Variants in SLC39A11 observed in about 807,000 individuals in gnomAD.
SLC39A11 encodes solute carrier family 39 member 11.
A neutral mutation model predicts 36.1 loss-of-function variants in SLC39A11; 33 were observed. That is an observed-to-expected ratio of 0.91 (90% CI 0.69 to 1.22). SLC39A11 has a LOEUF of 1.22. Among genes scored for constraint, SLC39A11 ranks in the 50% most tolerant of loss-of-function variants. SLC39A11 has a pLI of 0.00. For missense variants in SLC39A11, 432 were observed against 430.3 expected, an observed-to-expected ratio of 1.00 and a Z score of -0.03; for synonymous variants, 166 against 170.3, an observed-to-expected ratio of 0.97 and a Z score of 0.20.
At chr17:72,938,898 T>C (rs2084926313) in intron 5 of SLC39A11, among the ~76,000 whole-genome samples, 2 of 152,232 alleles carry the variant, frequency 1.3e-5, no homozygotes, top group Admixed American at 1.3e-4. Flanking sequence ...CCTCAGTAGA[T>C]ACTTAATGAA....
chr17:72,893,459 G>A (rs2081865439), intron 5 of SLC39A11, among the ~76,000 whole-genome samples: 1 of 151,556 alleles, frequency 6.6e-6, no homozygotes, highest in Non-Finnish European at 1.5e-5. Flanking sequence ...GACTGTCTCA[G>A]GGAAAAAAAA....
intron 7 of SLC39A11, among the ~76,000 whole-genome samples, chr17:72,674,094 A>C (rs1378272209): frequency 6.6e-6 from 1 of 151,888 alleles, no homozygotes; most frequent in Admixed American, 6.6e-5. Flanking sequence ...ATAAAGGTAG[A>C]CTTGTATAGA....
chr17:72,783,048 A>T (rs949166557), intron 6 of SLC39A11, among the ~76,000 whole-genome samples: 1 of 151,910 alleles, frequency 6.6e-6, no homozygotes, highest in Non-Finnish European at 1.5e-5. Context: ...AAGAAAGCAG[A>T]TTTTCACCAG....
chr17:72,923,265 C>T (rs1360627623), intron 5 of SLC39A11, among the ~76,000 whole-genome samples: 1 of 152,024 alleles, frequency 6.6e-6, no homozygotes, highest in Non-Finnish European at 1.5e-5. Context: ...GTTGCATGGG[C>T]CAATAGGACC....
At chr17:72,936,461 G>A (rs755328246) in intron 5 of SLC39A11, among the ~76,000 whole-genome samples, 7 of 149,378 alleles carry the variant, frequency 4.7e-5, no homozygotes, top group Non-Finnish European at 8.9e-5. Context: ...GCAATTACCC[G>A]GGGAACAAAC....
At chr17:73,089,821 A>G (rs2060866873) in intron 1 of SLC39A11, 2 of 152,210 alleles carry the variant, frequency 1.3e-5, no homozygotes, top group Admixed American at 1.3e-4. Flanking sequence ...CCGCCCACCA[A>G]GGAAAGGAAG....
chr17:72,946,296 A>G (rs2085426230), intron 5 of SLC39A11, among the ~76,000 whole-genome samples: 1 of 152,200 alleles, frequency 6.6e-6, no homozygotes, highest in African/African-American at 2.4e-5. Flanking sequence ...TGAAATTTTT[A>G]TTTCCTGGTT....
chr17:72,990,758 A>T (rs148023674), intron 4 of SLC39A11, among the ~76,000 whole-genome samples: 256 of 151,154 alleles, frequency 1.7e-3, no homozygotes, highest in African/African-American at 6.1e-3. Flanking sequence ...ATTCTCCCCG[A>T]CCAACACACA....
chr17:72,818,391 G>A (rs1274841945), intron 6 of SLC39A11, among the ~76,000 whole-genome samples: 1 of 152,132 alleles, frequency 6.6e-6, no homozygotes, highest in Non-Finnish European at 1.5e-5. Context: ...ATTCCTCCAG[G>A]TGTGGACAAG....
At chr17:72,675,068 C>A (rs941976862) in intron 7 of SLC39A11, among the ~76,000 whole-genome samples, 1 of 152,112 alleles carries the variant, frequency 6.6e-6, no homozygotes, top group South Asian at 2.1e-4. Flanking sequence ...AACTGCCCCC[C>A]GCTTCCATAC....
intron 5 of SLC39A11, among the ~76,000 whole-genome samples, chr17:72,894,824 G>A (rs2081950092): frequency 6.6e-6 from 1 of 152,156 alleles, no homozygotes; most frequent in African/African-American, 2.4e-5. Flanking sequence ...CTCCAGTGGA[G>A]TGGTCAATTT....
intron 5 of SLC39A11, among the ~76,000 whole-genome samples, chr17:72,930,632 G>T (rs1286360362): frequency 6.6e-6 from 1 of 152,208 alleles, no homozygotes; most frequent in African/African-American, 2.4e-5. Flanking sequence ...AATCAAGCAG[G>T]CTGGATGAGG....
chr17:72,968,095 G>C (rs2087153054), intron 4 of SLC39A11, among the ~76,000 whole-genome samples: 1 of 152,178 alleles, frequency 6.6e-6, no homozygotes, highest in African/African-American at 2.4e-5. Context: ...AAAAGATTGT[G>C]TTCCCTTGTG....
At chr17:72,679,637 G>A (rs555871373) in intron 7 of SLC39A11, among the ~76,000 whole-genome samples, 7 of 152,206 alleles carry the variant, frequency 4.6e-5, no homozygotes, top group Non-Finnish European at 7.3e-5. Flanking sequence ...AGGGGCCAAC[G>A]TGTGTAGAGA....
chr17:72,676,276 G>A (rs1481161716), intron 7 of SLC39A11, among the ~76,000 whole-genome samples: 2 of 152,156 alleles, frequency 1.3e-5, no homozygotes, highest in African/African-American at 2.4e-5. Context: ...ACTGCGGGAT[G>A]TCCAGGGAGG....
At chr17:72,731,926 C>T (rs2074235493) in intron 7 of SLC39A11, among the ~76,000 whole-genome samples, 2 of 151,554 alleles carry the variant, frequency 1.3e-5, no homozygotes, top group Admixed American at 1.3e-4. Flanking sequence ...GGGGTTTCAC[C>T]ATGTTGGTCA....
intron 3 of SLC39A11, among the ~76,000 whole-genome samples, chr17:73,055,798 T>C (rs531073065): frequency 2.6e-5 from 4 of 152,068 alleles, no homozygotes; most frequent in African/African-American, 7.2e-5. Flanking sequence ...CAGTCAATCA[T>C]AGGCAGCCAG....
intron 7 of SLC39A11, among the ~76,000 whole-genome samples, chr17:72,728,584 C>G (rs995576503): frequency 1.3e-5 from 2 of 152,210 alleles, no homozygotes; most frequent in African/African-American, 4.8e-5. Flanking sequence ...CACTGTAGCA[C>G]ATATGGAGCC....
intron 4 of SLC39A11, among the ~76,000 whole-genome samples, chr17:72,950,522 A>G (rs2085784878): frequency 6.6e-6 from 1 of 152,166 alleles, no homozygotes; most frequent in Non-Finnish European, 1.5e-5. Flanking sequence ...TGCTTTAATT[A>G]TTTCTAATTC....
Sources: gnomAD v4.1 joint callset for allele counts (sites outside exome capture counted in the v4.1 genomes callset) on GRCh38, gnomAD v4.1.1 for gene constraint, MANE v1.5 for transcripts, NCBI Gene and HGNC (gene_info 2026-07-23, HGNC 2026-07-21) for gene names.